PSME4: variants seen among roughly 807,000 people sequenced by gnomAD.
PSME4 encodes the protein proteasome activator subunit 4.
A neutral mutation model predicts 253.9 loss-of-function variants in PSME4; 89 were observed. The observed-to-expected ratio is 0.35, with a 90% CI of 0.30 to 0.42. The LOEUF is 0.42. Ranked by LOEUF, PSME4 falls within the 10% of genes least tolerant of loss-of-function variation. The pLI is 1.00. For missense variants in PSME4, 2,014 were observed against 2,195.2 expected (o/e 0.92, Z 1.65); for synonymous variants, 851 against 759.2 (o/e 1.12, Z -1.99).
At chr2:53,964,822 A>G (rs538415013) in intron 1 of PSME4, among the ~76,000 whole-genome samples, 1 of 152,342 alleles carries the variant, frequency 6.6e-6, no homozygotes, top group Non-Finnish European at 1.5e-5. Context: ...TGGTGGTTAC[A>G]TAATCTAATC....
chr2:53,876,314 A>C (rs944356178), intron 41 of PSME4, among the ~76,000 whole-genome samples: 2 of 152,136 alleles, frequency 1.3e-5, no homozygotes, highest in African/African-American at 4.8e-5. Flanking sequence ...CTCAGGGAAA[A>C]AAAGCTGTGT....
At chr2:53,958,962 TA>T (rs1413384024) in intron 1 of PSME4, among the ~76,000 whole-genome samples, 1 of 152,150 alleles carries the variant, frequency 6.6e-6, no homozygotes, top group Non-Finnish European at 1.5e-5. Flanking sequence ...AATTACATGT[TA>T]AAACTTTACT....
chr2:53,897,054 A>G (rs1339440019), intron 31 of PSME4, among the ~76,000 whole-genome samples, 169 bp from the exon 32 acceptor site: 3 of 152,180 alleles, frequency 2.0e-5, no homozygotes, highest in African/African-American at 7.2e-5. Context: ...AGAATGAATC[A>G]TAGGCAGTTC....
At chr2:53,868,900 T>C (rs1422045245) in intron 44 of PSME4, among the ~76,000 whole-genome samples, 1 of 152,078 alleles carries the variant, frequency 6.6e-6, no homozygotes, top group Non-Finnish European at 1.5e-5. Context: ...TTATCTTGTG[T>C]CTATATTCAA....
chr2:53,908,922 A>C, intron 21 of PSME4, 82 bp from the exon 22 acceptor site: 4 of 1,048,704 alleles, frequency 3.8e-6, no homozygotes, highest in Non-Finnish European at 5.8e-6. Flanking sequence ...AGGTTAGGTC[A>C]AGGAGGGATA....
At chr2:53,970,185 C>T (rs1670988154) in intron 1 of PSME4, among the ~76,000 whole-genome samples, 1 of 152,194 alleles carries the variant, frequency 6.6e-6, no homozygotes, top group Non-Finnish European at 1.5e-5. Flanking sequence ...CCGCCTCTCC[C>T]ATGCGCAAAA....
At chr2:53,924,031 G>C (rs1043586370) in intron 14 of PSME4, among the ~76,000 whole-genome samples, 1 of 151,454 alleles carries the variant, frequency 6.6e-6, no homozygotes, top group Admixed American at 6.6e-5. Context: ...TTGTCTTTCT[G>C]GCTAATTGAA....
At chr2:53,871,936 C>T (rs1255650981) in intron 43 of PSME4, among the ~76,000 whole-genome samples, 1 of 152,070 alleles carries the variant, frequency 6.6e-6, no homozygotes, top group Non-Finnish European at 1.5e-5. Context: ...ATCGCTTCAA[C>T]CCAGGGGGCA....
intron 18 of PSME4, 88 bp from the exon 19 acceptor site, chr2:53,920,438 T>A: frequency 7.8e-7 from 1 of 1,289,122 alleles, no homozygotes; most frequent in Non-Finnish European, 1.0e-6. Flanking sequence ...TTTTAAAATT[T>A]AAAAGAAAAT....
chr2:53,919,291 T>G, intron 19 of PSME4, 45 bp from the exon 20 acceptor site: 1 of 1,536,100 alleles, frequency 6.5e-7, no homozygotes. Flanking sequence ...AATCCCTATT[T>G]AATAAGCCTG....
At chr2:53,888,919 C>G in intron 37 of PSME4, 107 bp from the exon 38 acceptor site, 1 of 895,366 alleles carries the variant, frequency 1.1e-6, no homozygotes, top group Non-Finnish European at 1.7e-6. Flanking sequence ...AGGTCTAACT[C>G]TGTTGCCCAG....
At position 53,927,050 on chromosome 2, in the gene PSME4, C is replaced by A. The variant is rs76909072; in HGVS notation, c.1593+344G>T. 8.0e-3 allele frequency among the ~76,000 whole-genome samples: 1,215 copies of A among 151,316 alleles called. 20 individuals are homozygous for A. Among genetic ancestry groups the A allele is most frequent in the African/African-American group, 0.028 (1,149 of 40,766 alleles). On this transcript the variant is annotated intron_variant, in intron 12 of 46. Coordinates refer to ENST00000404125, the MANE Select transcript of PSME4 (RefSeq NM_014614.3). ...GAAATGAATGAAGAAAATCTTTCTT[C>A]ATTAAATGTCAATCCCTTGGACAGA...
chr2:53,913,153 C>G (rs1456191156), intron 20 of PSME4, among the ~76,000 whole-genome samples: 1 of 152,092 alleles, frequency 6.6e-6, no homozygotes, highest in East Asian at 1.9e-4. Context: ...GTAAATAACA[C>G]CCTCTATGTA....
rs774204715 is a variant in PSME4 at position 53,904,112 on chromosome 2, T to C, written c.2988A>G (p.Ala996=). The change falls in exon 27 of 47, where the codon GCA becomes GCG. Residue 996 remains alanine, a synonymous_variant. Transcript: ENST00000404125. ...AQQTFFAALG[A]YNFCCRDIIP... is the part of the protein sequence containing the mutation. ...TGATATCTCTGCAACAGAAGTTATA[T>C]GCTCCCAAGGCAGCAAAAAATGTTT... 49 of 1,613,540 alleles carry C rather than the reference T, an allele frequency of 3.0e-5. No homozygotes were observed. The highest frequency in any genetic ancestry group is 6.7e-5 in the East Asian group (3 of 44,830).
intron 22 of PSME4, 72 bp from the exon 23 acceptor site, chr2:53,908,637 C>T: frequency 6.6e-7 from 1 of 1,510,664 alleles, no homozygotes; most frequent in Non-Finnish European, 8.9e-7. Context: ...AGGCATTAGT[C>T]AAGAATCTAT....
chr2:53,939,719 G>A (rs906737685), intron 4 of PSME4, among the ~76,000 whole-genome samples: 3 of 152,100 alleles, frequency 2.0e-5, no homozygotes, highest in Admixed American at 6.5e-5. Flanking sequence ...AAATAAAGAT[G>A]ATTTTATGTA....
intron 44 of PSME4, among the ~76,000 whole-genome samples, chr2:53,868,355 G>A (rs986155579): frequency 1.9e-4 from 28 of 150,796 alleles, no homozygotes; most frequent in African/African-American, 6.6e-4. Flanking sequence ...GGCTAACAGG[G>A]GCATGAGAAT....
At chr2:53,953,267 G>A (rs1670080847) in intron 1 of PSME4, among the ~76,000 whole-genome samples, 1 of 151,904 alleles carries the variant, frequency 6.6e-6, no homozygotes, top group South Asian at 2.1e-4. Flanking sequence ...GTCACTATAA[G>A]ACACCATTAA....
intron 43 of PSME4, chr2:53,871,088 G>C (rs1004562428): frequency 6.6e-6 from 1 of 152,138 alleles, no homozygotes; most frequent in Non-Finnish European, 1.5e-5. Context: ...TGAACTACCA[G>C]TTATACCTTA....
Sources: allele counts gnomAD v4.1 joint callset (sites outside exome capture counted in the v4.1 genomes callset), GRCh38; gene constraint gnomAD v4.1.1; transcripts MANE v1.5; gene names NCBI Gene and HGNC (gene_info 2026-07-23, HGNC 2026-07-21).